TFB1M: variants seen among roughly 807,000 people sequenced by gnomAD.
TFB1M encodes the protein transcription factor B1, mitochondrial.
A neutral mutation model predicts 31.1 loss-of-function variants in TFB1M; 27 were observed. That is an observed-to-expected ratio of 0.87 (90% CI 0.64 to 1.20). The LOEUF (loss-of-function observed/expected upper bound fraction) is 1.20. Among genes scored for constraint, TFB1M ranks in the 50% most tolerant of loss-of-function variants. The probability of loss-of-function intolerance (pLI) is 0.00; values close to 1 mark genes in which losing one functional copy is unlikely to be tolerated. For missense variants in TFB1M, 394 were observed against 418.7 expected (o/e 0.94, Z 0.51); for synonymous variants, 166 against 151.8 (o/e 1.09, Z -0.69).
At chr6:155,300,185 T>C (rs898574565) in intron 2 of TFB1M, among the ~76,000 whole-genome samples, 5 of 152,220 alleles carry the variant, frequency 3.3e-5, no homozygotes, top group Admixed American at 6.5e-5. Flanking sequence ...GGCAGATTTA[T>C]ACAAATAATC....
At chr6:155,268,489 G>T (rs1784764385) in intron 5 of TFB1M, among the ~76,000 whole-genome samples, 1 of 152,172 alleles carries the variant, frequency 6.6e-6, no homozygotes, top group Non-Finnish European at 1.5e-5. Context: ...GTGTGGTATT[G>T]TTATTTCCAA....
chr6:155,285,338 G>T lies in TFB1M; in HGVS notation c.547-61C>A, dbSNP rs1030877206. ...TAGTCCAGCCTGATTAGATGAAAAA[G>T]AGTCAACATTCCATTATTTCTGAAC... is the stretch of plus-strand genomic sequence containing the variant. On this transcript the variant is annotated intron_variant, in intron 4 of 6. Coordinates refer to ENST00000367166, the MANE Select transcript of TFB1M (RefSeq NM_016020.4). The T allele has an allele frequency of 2.5e-6, 4 of 1,600,730 alleles. No homozygotes were observed. In the African/African-American group the frequency reaches 5.4e-5, roughly 21 times the overall value.
At chr6:155,305,260 AATTAT>A (rs1354144966) in intron 2 of TFB1M, among the ~76,000 whole-genome samples, 1 of 38,330 alleles carries the variant, frequency 2.6e-5, no homozygotes. Flanking sequence ...ATATATATTA[AATTAT>A]ATATTTATAT....
At chr6:155,263,424 A>G (rs558695709) in intron 5 of TFB1M, among the ~76,000 whole-genome samples, 3 of 152,206 alleles carry the variant, frequency 2.0e-5, no homozygotes, top group African/African-American at 7.2e-5. Flanking sequence ...TAAAATTTCA[A>G]ATGAAAGGAT....
chr6:155,251,896 G>C (rs149887106), downstream of TFB1M: 2,043 of 1,459,246 alleles, frequency 1.4e-3, 23 homozygotes, highest in African/African-American at 0.025. Flanking sequence ...TTTAACCTTG[G>C]AAGAGTTTGC....
chr6:155,276,253 C>A (rs1391679184), intron 5 of TFB1M: 5 of 1,614,092 alleles, frequency 3.1e-6, no homozygotes, highest in Non-Finnish European at 4.2e-6. Context: ...TTATCTCTGG[C>A]ATGATTTTCT....
At chr6:155,311,385 T>C in intron 1 of TFB1M, 46 bp from the exon 2 acceptor site, 2 of 1,541,484 alleles carry the variant, frequency 1.3e-6, no homozygotes, top group Non-Finnish European at 1.8e-6. Context: ...TTGGCAAATT[T>C]CAACGTATGA....
the TFB1M span, chr6:155,250,104 C>G: frequency 3.2e-6 from 2 of 617,426 alleles, no homozygotes. Flanking sequence ...AACAATGTGT[C>G]TAATGAACTA....
At chr6:155,278,639 G>A (rs930595720) in intron 5 of TFB1M, among the ~76,000 whole-genome samples, 2 of 152,216 alleles carry the variant, frequency 1.3e-5, no homozygotes, top group Admixed American at 1.3e-4. Flanking sequence ...GGCGACAGAG[G>A]TGACATAAGT....
chr6:155,245,637 C>T, the TFB1M span: 20 of 1,613,760 alleles, frequency 1.2e-5, no homozygotes, highest in Admixed American at 1.7e-5. Context: ...TACTGTTTTC[C>T]CTTGGAGGCT....
At chr6:155,240,527 C>CAA in the TFB1M span, 68 of 1,602,296 alleles carry the variant, frequency 4.2e-5, 2 homozygotes, top group South Asian at 7.1e-4. Context: ...TGTCCTCTCT[C>CAA]AGAGTGCTGA....
Position 155,314,346 on chromosome 6 carries a change from T to C in TFB1M, c.83A>G (p.Gln28Arg), listed in dbSNP as rs1349639851. ...IREIIKLLRL[Q>R]AAKQLSQNFL... ...ATTCTGTGATAGCTGCTTCGCTGCT[T>C]GCAGTCTTAACAACTTAATGATTTC... The change falls in exon 1 of 7, where the codon CAA becomes CGA. Residue 28 changes from glutamine to arginine, a missense_variant. Transcript: ENST00000367166. The C allele has an allele frequency of 1.9e-6, 3 of 1,614,092 alleles. No homozygotes were observed. Among genetic ancestry groups the C allele is most frequent in the South Asian group, 1.1e-5 (1 of 91,094 alleles).
intron 4 of TFB1M, among the ~76,000 whole-genome samples, chr6:155,286,487 GTATA>G (rs1264398954): frequency 1.4e-4 from 2 of 13,832 alleles, no homozygotes; most frequent in African/African-American, 6.5e-4. Context: ...ATATGTGTGT[GTATA>G]TATATGTGTG....
At chr6:155,282,844 C>CAGCCGCCTGAGT (rs2114732688) in intron 5 of TFB1M, among the ~76,000 whole-genome samples, 1 of 152,122 alleles carries the variant, frequency 6.6e-6, no homozygotes, top group Admixed American at 6.5e-5. Context: ...TCTCCTGCCT[C>CAGCCGCCTGAGT]AGCCTCCTGA....
chr6:155,279,684 T>A (rs67045603), intron 5 of TFB1M, among the ~76,000 whole-genome samples: 12,204 of 152,310 alleles, frequency 0.08, 592 homozygotes, highest in Non-Finnish European at 0.099. Context: ...ACTATCACAT[T>A]ATTATCATTA....
At chr6:155,260,198 C>G in intron 6 of TFB1M, 75 bp downstream of exon 6, 1 of 1,506,012 alleles carries the variant, frequency 6.6e-7, no homozygotes, top group Non-Finnish European at 9.2e-7. Flanking sequence ...ATAGAGCAAA[C>G]AAGGTTCTCA....
chr6:155,276,456 T>C, intron 5 of TFB1M: 1 of 1,286,614 alleles, frequency 7.8e-7, no homozygotes, highest in Non-Finnish European at 1.1e-6. Flanking sequence ...ATCAGAATTA[T>C]GCTTAACTTT....
rs139825285 is a variant in TFB1M at position 155,314,308 on chromosome 6, A to C, written c.121T>G (p.Leu41Val). Residue 41 changes from leucine to valine, a missense_variant, in exon 1 of 7, where the codon TTG (leucine) becomes GTG (valine). Around this residue, in one of 3 missense-constraint regions of TFB1M, gnomAD observed 273 missense variants for 256.4 expected, o/e 1.06. Transcript: ENST00000367166. ...CTAAGCCATCCACCTGTCAGCCTCA[A>C]GTCCAGGAGGAAATTCTGTGATAGC... ...KQLSQNFLLD[L>V]RLTDKIVRKA... 5.6e-6 allele frequency: 9 copies of C among 1,614,010 alleles called. No individual in the cohort carries two copies. The African/African-American group carries it at 8.0e-5, about 14-fold the overall frequency.
chr6:155,252,577 G>T (rs911712417), downstream of TFB1M, among the ~76,000 whole-genome samples: 1 of 152,180 alleles, frequency 6.6e-6, no homozygotes, highest in African/African-American at 2.4e-5. Context: ...CATAAACATA[G>T]TCTGTGAAAC....
Sources: gnomAD v4.1 joint callset for allele counts (sites outside exome capture counted in the v4.1 genomes callset) on GRCh38, gnomAD v4.1.1 for gene constraint, gnomAD v4.1.1 regional missense constraint, MANE v1.5 for transcripts, NCBI Gene and HGNC (gene_info 2026-07-23, HGNC 2026-07-21) for gene names.